Variants in PTAR1 observed in about 807,000 individuals in gnomAD.
The protein encoded by PTAR1 is protein prenyltransferase alpha subunit repeat containing 1.
In PTAR1, 17 loss-of-function variants were observed where a neutral mutation model predicts 45.5. The observed-to-expected ratio is 0.37, with a 90% CI of 0.26 to 0.56. PTAR1 has a LOEUF of 0.56. Ranked by LOEUF, PTAR1 falls within the 20% of genes least tolerant of loss-of-function variation. PTAR1 has a pLI of 0.77. For missense variants in PTAR1, 391 were observed against 476.3 expected (o/e 0.82, Z 1.67); for synonymous variants, 169 against 171.3 (o/e 0.99, Z 0.11).
intron 6 of PTAR1, 92 bp from the exon 7 acceptor site, chr9:69,718,776 C>T: frequency 2.1e-6 from 2 of 960,548 alleles, no homozygotes; most frequent in South Asian, 1.8e-5. Context: ...TCAAAACATA[C>T]AGTATTCAAT....
chr9:69,749,996 T>C (rs558362762), intron 2 of PTAR1, among the ~76,000 whole-genome samples: 30 of 151,996 alleles, frequency 2.0e-4, no homozygotes, highest in Non-Finnish European at 3.5e-4. Context: ...CTGCCGTACA[T>C]GGGAAGGGGA....
At chr9:69,729,942 G>A (rs1214952504) in intron 5 of PTAR1, among the ~76,000 whole-genome samples, 7 of 151,978 alleles carry the variant, frequency 4.6e-5, no homozygotes. Flanking sequence ...ACTAATACTC[G>A]ATGCCAGCAC....
intron 6 of PTAR1, among the ~76,000 whole-genome samples, chr9:69,719,363 A>C (rs948106329): frequency 2.0e-5 from 3 of 152,178 alleles, no homozygotes; most frequent in Non-Finnish European, 4.4e-5. Context: ...GTTTGTTAAA[A>C]ATGAAGATTC....
At chr9:69,736,327 G>A (rs1023093780) in intron 3 of PTAR1, among the ~76,000 whole-genome samples, 1 of 152,168 alleles carries the variant, frequency 6.6e-6, no homozygotes, top group Admixed American at 6.5e-5. Flanking sequence ...GGGAGGCCGA[G>A]GCAGGTGGAT....
At position 69,734,615 on chromosome 9, in the gene PTAR1, G is replaced by T. The variant is rs374322323; in HGVS notation, c.324-361C>A. Among the ~76,000 whole-genome samples, 767 of 151,972 alleles carry T rather than the reference G, an allele frequency of 5.0e-3. 7 individuals are homozygous for T. The highest frequency in any genetic ancestry group is 0.018 in the African/African-American group (733 of 41,434). On this transcript the variant is annotated intron_variant, in intron 3 of 7. Coordinates refer to ENST00000340434, the MANE Select transcript of PTAR1 (RefSeq NM_001099666.2). ...TGTGAGACCTGATATCGTACCTATAGGGCCAATCCAATACCAGCCAAAATT... is the reference window on the plus strand; with the variant it reads ...TGTGAGACCTGATATCGTACCTATATGGCCAATCCAATACCAGCCAAAATT...
In PTAR1 at chr9:69,750,937, G is replaced by A; in HGVS notation, c.100C>T (p.Leu34=). 1.3e-6 allele frequency: 2 copies of A among 1,586,642 alleles called. No homozygotes were observed. Among genetic ancestry groups the A allele is most frequent in the Non-Finnish European group, 1.7e-6 (2 of 1,168,640 alleles). The change falls in exon 2 of 8, where the codon CTG becomes TTG. Residue 34 remains leucine (L), a synonymous_variant. Coordinates refer to ENST00000340434, the MANE Select transcript of PTAR1 (RefSeq NM_001099666.2). ...TACCTAGCTTCAGGACATGGGATCAGGCCAATTTCATCTCTTAATATGTAA... is the reference window on the plus strand; with the variant it reads ...TACCTAGCTTCAGGACATGGGATCAAGCCAATTTCATCTCTTAATATGTAA... ...RRNPHIDEIG[L]IPCPEARYNR... is the part of the protein sequence containing the mutation.
At chr9:69,729,202 C>G (rs150801118) in intron 5 of PTAR1, among the ~76,000 whole-genome samples, 1 of 152,064 alleles carries the variant, frequency 6.6e-6, no homozygotes, top group East Asian at 1.9e-4. Context: ...TGCCTGTAAT[C>G]CCAGCTACTT....
Position 69,749,088 on chromosome 9 carries a change from T to C in PTAR1, c.256+1693A>G, listed in dbSNP as rs576753333. Among the ~76,000 whole-genome samples the C allele has an allele frequency of 3.3e-5, 5 of 152,194 alleles. No individual in the cohort carries two copies. The East Asian group carries it at 9.7e-4, about 29-fold the overall frequency. On this transcript the variant is annotated intron_variant, in intron 2 of 7. Coordinates refer to ENST00000340434, the MANE Select transcript of PTAR1 (RefSeq NM_001099666.2). ...CCATTTAATATTCCGCAAGGTTCCT[T>C]ATGAGCCTACTAAAACTAAAACTAT... is the stretch of plus-strand genomic sequence containing the variant.
In PTAR1 at chr9:69,718,447, T is replaced by C. The variant is rs1824822849; in HGVS notation, c.1104A>G (p.Glu368=). The C allele has an allele frequency of 1.2e-6, 2 of 1,613,698 alleles. No homozygotes were observed. Among genetic ancestry groups the C allele is most frequent in the Non-Finnish European group, 1.7e-6 (2 of 1,179,710 alleles). Residue 368 remains glutamate (E), a synonymous_variant, in exon 8 of 8, where the codon GAA becomes GAG. Transcript: ENST00000340434. ...CTTGATCAATGAACCTGTGCTCCATTTCTAGGCCTAGGGAGTCTGGAACTG... is the reference window on the plus strand; with the variant it reads ...CTTGATCAATGAACCTGTGCTCCATCTCTAGGCCTAGGGAGTCTGGAACTG... ...RTPVPDSLGL[E]MEHRFIDQVL...
chr9:69,753,021 T>G (rs111846855), intron 1 of PTAR1, among the ~76,000 whole-genome samples: 2,445 of 152,236 alleles, frequency 0.016, 66 homozygotes, highest in African/African-American at 0.056. Context: ...AATTCTGTTC[T>G]CTGAGATATA....
intron 5 of PTAR1, among the ~76,000 whole-genome samples, chr9:69,728,881 C>T (rs964523393): frequency 2.0e-5 from 3 of 152,078 alleles, no homozygotes; most frequent in African/African-American, 7.2e-5. Context: ...CAAATATATG[C>T]TTTTATAAAA....
intron 1 of PTAR1, among the ~76,000 whole-genome samples, chr9:69,756,854 C>G (rs111234435): frequency 0.014 from 2,205 of 152,280 alleles, 53 homozygotes; most frequent in African/African-American, 0.05. Flanking sequence ...TCATCTACAC[C>G]TGCACTATGC....
intron 6 of PTAR1, 46 bp downstream of exon 6, chr9:69,723,280 G>A (rs372850926): frequency 2.5e-5 from 38 of 1,498,630 alleles, no homozygotes; most frequent in Middle Eastern, 3.5e-4. Context: ...CAGCTCTCAT[G>A]AAGACATGCA....
At chr9:69,723,191 T>C in intron 6 of PTAR1, 135 bp downstream of exon 6, 1 of 710,424 alleles carries the variant, frequency 1.4e-6, no homozygotes, top group Non-Finnish European at 2.5e-6. Flanking sequence ...ACCTCTTGTA[T>C]TCACTCAGGC....
chr9:69,754,109 AAT>A (rs1826653154), intron 1 of PTAR1, among the ~76,000 whole-genome samples: 1 of 152,184 alleles, frequency 6.6e-6, no homozygotes, highest in Non-Finnish European at 1.5e-5. Flanking sequence ...GCTTCCAAAT[AAT>A]AGTGTGTTTG....
chr9:69,719,576 T>A (rs969585697), intron 6 of PTAR1, among the ~76,000 whole-genome samples: 1 of 152,172 alleles, frequency 6.6e-6, no homozygotes, highest in African/African-American at 2.4e-5. Flanking sequence ...ACTTAAAGGC[T>A]AGATAAGCTG....
chr9:69,736,287 G>A (rs562720491), intron 3 of PTAR1, among the ~76,000 whole-genome samples: 7 of 152,170 alleles, frequency 4.6e-5, no homozygotes, highest in Admixed American at 3.3e-4. Context: ...GGCTGGGCAC[G>A]GTAGCTCACG....
chr9:69,735,939 T>G lies in PTAR1; in HGVS notation c.324-1685A>C, dbSNP rs1299214052. Among the ~76,000 whole-genome samples the G allele has an allele frequency of 2.0e-5, 3 of 148,764 alleles. No individual in the cohort carries two copies. In the East Asian group the frequency reaches 5.8e-4, roughly 29 times the overall value. On this transcript the variant is annotated intron_variant, in intron 3 of 7. Transcript: ENST00000340434. ...TGTTCAGGAAACCAATTTGTCATTATATATATATAATATATATATAAAATA... is the reference window on the plus strand; with the variant it reads ...TGTTCAGGAAACCAATTTGTCATTAGATATATATAATATATATATAAAATA...
intron 1 of PTAR1, among the ~76,000 whole-genome samples, chr9:69,755,749 G>A (rs1230235627): frequency 1.3e-5 from 2 of 152,046 alleles, no homozygotes; most frequent in Non-Finnish European, 2.9e-5. Flanking sequence ...AAATTCTCCT[G>A]GTGATTTAGA....
Sources: gnomAD v4.1 joint callset for allele counts (sites outside exome capture counted in the v4.1 genomes callset) on GRCh38, gnomAD v4.1.1 for gene constraint, MANE v1.5 for transcripts, NCBI Gene and HGNC (gene_info 2026-07-23, HGNC 2026-07-21) for gene names.